Variants in PTAR1 observed in about 807,000 individuals in gnomAD.
The protein encoded by PTAR1 is protein prenyltransferase alpha subunit repeat containing 1.
Under a neutral mutation model 45.5 loss-of-function variants are expected in PTAR1, and 17 were observed. The ratio of observed to expected loss-of-function variants is 0.37; its 90% CI spans 0.26 to 0.56. The LOEUF (loss-of-function observed/expected upper bound fraction) is 0.56, where lower values mean the gene tolerates loss of function less well. PTAR1 is among the 20% of genes least tolerant of loss of function. PTAR1 has a pLI of 0.77. For missense variants in PTAR1, 391 were observed against 476.3 expected (o/e 0.82, Z 1.67); for synonymous variants, 169 against 171.3 (o/e 0.99, Z 0.11).
chr9:69,741,501 C>A, intron 3 of PTAR1: 1 of 336,088 alleles, frequency 3.0e-6, no homozygotes, highest in Non-Finnish European at 5.6e-6. Context: ...CAGTTATGCC[C>A]ATTGCCCATT....
intron 4 of PTAR1, among the ~76,000 whole-genome samples, chr9:69,733,251 T>G (rs1825627052): frequency 6.6e-6 from 1 of 152,194 alleles, no homozygotes. Context: ...TATACCCTTC[T>G]GTGGTATACT....
chr9:69,759,927 G>A lies in PTAR1; in HGVS notation c.12C>T (p.Thr4=), dbSNP rs546513770. 1.6e-5 allele frequency: 24 copies of A among 1,512,242 alleles called. 1 individual carries two copies. The South Asian group carries it at 2.6e-4, about 16-fold the overall frequency. 93.7% of individuals were successfully genotyped at this position (1,512,242 alleles called of 1,614,324 possible). MAE[T]SEEVAVLVQR... ...GCACCAGCACCGCCACCTCCTCGCT[G>A]GTCTCGGCCATGTTGGCGGCGGCCG... Residue 4 remains threonine, a synonymous_variant, in exon 1 of 8, where the codon ACC becomes ACT. Transcript: ENST00000340434.
chr9:69,734,386 G>T, intron 3 of PTAR1, 132 bp from the exon 4 acceptor site: 20 of 406,332 alleles, frequency 4.9e-5, no homozygotes, highest in Non-Finnish European at 5.8e-5. Flanking sequence ...AAAAAAGAAA[G>T]AAAAAAAGCC....
chr9:69,754,295 T>C (rs1266739120), intron 1 of PTAR1, among the ~76,000 whole-genome samples: 1 of 152,130 alleles, frequency 6.6e-6, no homozygotes, highest in African/African-American at 2.4e-5. Context: ...TCTAAGGTCA[T>C]ATTGCTAGTG....
intron 1 of PTAR1, among the ~76,000 whole-genome samples, chr9:69,753,803 A>T (rs748100656): frequency 1.4e-4 from 22 of 152,194 alleles, no homozygotes; most frequent in Non-Finnish European, 2.5e-4. Context: ...GTTAGTTTCC[A>T]TTCTATCCAC....
chr9:69,724,991 A>G (rs943853709), intron 5 of PTAR1, among the ~76,000 whole-genome samples: 1 of 152,200 alleles, frequency 6.6e-6, no homozygotes, highest in Non-Finnish European at 1.5e-5. Context: ...TGAGAAATGG[A>G]AAACAGTATC....
At chr9:69,740,092 A>G (rs1437075907) in intron 3 of PTAR1, among the ~76,000 whole-genome samples, 1 of 152,216 alleles carries the variant, frequency 6.6e-6, no homozygotes, top group Non-Finnish European at 1.5e-5. Flanking sequence ...TTAACTTATG[A>G]AACAGGACTA....
chr9:69,751,421 T>C (rs934343577), intron 1 of PTAR1, among the ~76,000 whole-genome samples: 3 of 151,590 alleles, frequency 2.0e-5, no homozygotes, highest in Non-Finnish European at 4.4e-5. Flanking sequence ...ATAAAAAAAG[T>C]TGCCAAGATA....
At chr9:69,758,715 A>G (rs1366480026) in intron 1 of PTAR1, 1 of 406,106 alleles carries the variant, frequency 2.5e-6, no homozygotes, top group South Asian at 1.8e-5. Context: ...CTTGGAGGAA[A>G]AGAACACTTT....
Position 69,729,373 on chromosome 9 carries a change from G to T in PTAR1, c.642+2766C>A, listed in dbSNP as rs2134100644. Among the ~76,000 whole-genome samples, 2 of 152,194 alleles carry T rather than the reference G, an allele frequency of 1.3e-5. 1 individual carries two copies. Among genetic ancestry groups the T allele is most frequent in the South Asian group, 4.1e-4 (2 of 4,820 alleles). On this transcript the variant is annotated intron_variant, in intron 5 of 7. Transcript: ENST00000340434. The stretch of plus-strand genomic sequence containing the variant: ...GGCCTACCCTAATATAACCTATTGT[G>T]AATATTTTCCTTTAAATCATCTTCC...
At chr9:69,741,473 T>C (rs1826040469) in intron 3 of PTAR1, 1 of 259,776 alleles carries the variant, frequency 3.8e-6, no homozygotes, top group South Asian at 5.9e-5. Context: ...TATAATGTTA[T>C]ATGCCTTATA....
rs948564000 is a variant in PTAR1 at position 69,713,480 on chromosome 9, C to G, written c.*4862G>C. ...TATCCCTCCCTTCTCCATATACAAA[C>G]AGATAAAATGATACATTTAAAATTT... On this transcript the variant is annotated 3_prime_UTR_variant, in exon 8 of 8. Transcript: ENST00000340434. The G allele has an allele frequency of 3.3e-5, 5 of 152,058 alleles. No individual in the cohort carries two copies. The highest frequency in any genetic ancestry group is 1.2e-4 in the African/African-American group (5 of 41,418). 9.4% of individuals were successfully genotyped at this position (152,058 alleles called of 1,614,324 possible).
At chr9:69,758,296 G>A (rs1402209425) in intron 1 of PTAR1, 1 of 151,948 alleles carries the variant, frequency 6.6e-6, no homozygotes, top group Admixed American at 6.6e-5. Context: ...ACGACATTTT[G>A]TATTAGATTT....
chr9:69,742,078 C>T (rs934392189), intron 2 of PTAR1, among the ~76,000 whole-genome samples: 3 of 152,238 alleles, frequency 2.0e-5, no homozygotes, highest in South Asian at 2.1e-4. Flanking sequence ...AAAGATGACA[C>T]AAACAATTTT....
chr9:69,758,660 G>A (rs1826913060), intron 1 of PTAR1: 1 of 394,510 alleles, frequency 2.5e-6, no homozygotes, highest in Non-Finnish European at 5.3e-6. Context: ...GTGCCACAAG[G>A]GAGCAAAACA....
At chr9:69,739,406 A>AT (rs1200194116) in intron 3 of PTAR1, among the ~76,000 whole-genome samples, 4 of 151,228 alleles carry the variant, frequency 2.6e-5, no homozygotes, top group African/African-American at 7.4e-5. Context: ...AAAAAAAAAA[A>AT]GCAGTTTTCT....
In PTAR1 at chr9:69,734,271, A is replaced by AAAT. The variant is rs1825680629; in HGVS notation, c.324-18_324-17insATT. ...AGCTCTTTCCTGTAAAAAAAAAAAA[A>AAAT]AAAAAAAAAAAAAATTAAACATTAC... is the stretch of plus-strand genomic sequence containing the variant. On this transcript the variant is annotated splice_polypyrimidine_tract_variant and intron_variant, in intron 3 of 7. Coordinates refer to ENST00000340434, the MANE Select transcript of PTAR1 (RefSeq NM_001099666.2). 8.4e-7 allele frequency: 1 copy of AAAT among 1,192,276 alleles called. No individual in the cohort carries two copies. Among genetic ancestry groups the AAAT allele is most frequent in the South Asian group, 1.5e-5 (1 of 66,568 alleles). 73.9% of individuals were successfully genotyped at this position (1,192,276 alleles called of 1,614,324 possible). A position where few individuals can be genotyped will look rare whatever the true frequency, so the allele number is the denominator to read the frequency against.
chr9:69,732,885 T>C (rs1825604639), intron 4 of PTAR1, among the ~76,000 whole-genome samples: 1 of 152,206 alleles, frequency 6.6e-6, no homozygotes, highest in Non-Finnish European at 1.5e-5. Context: ...CATTAAACCA[T>C]TAAGAAGGTG....
intron 2 of PTAR1, among the ~76,000 whole-genome samples, chr9:69,744,424 A>G (rs545092529): frequency 6.1e-5 from 9 of 148,390 alleles, no homozygotes; most frequent in Non-Finnish European, 1.0e-4. Context: ...CTCACTTTGT[A>G]GTACAAGTTG....
Sources: gnomAD v4.1 joint callset for allele counts (sites outside exome capture counted in the v4.1 genomes callset) on GRCh38, gnomAD v4.1.1 for gene constraint, MANE v1.5 for transcripts, NCBI Gene and HGNC (gene_info 2026-07-23, HGNC 2026-07-21) for gene names.